Variants in TARS1 observed in about 807,000 individuals in gnomAD.
TARS1 encodes the protein threonine--tRNA ligase 1, cytoplasmic.
In TARS1, 57 loss-of-function variants were observed where a neutral mutation model predicts 97.7. The ratio of observed to expected loss-of-function variants is 0.58; its 90% CI spans 0.47 to 0.73. The LOEUF is 0.73. TARS1 is among the 30% of genes least tolerant of loss of function. The pLI is 0.00. For missense variants in TARS1, 806 were observed against 888.3 expected, an observed-to-expected ratio of 0.91 and a Z score of 1.18; for synonymous variants, 312 against 293.7, an observed-to-expected ratio of 1.06 and a Z score of -0.64.
At chr5:33,449,445 C>CTTTTTTTTTTTTTTTT (rs57691465) in intron 3 of TARS1, among the ~76,000 whole-genome samples, 14 of 69,160 alleles carry the variant, frequency 2.0e-4, no homozygotes, top group African/African-American at 2.9e-4. Context: ...TTTTTTCTTT[C>CTTTTTTTTTTTTTTTT]TTTTTTTTTT....
At position 33,453,261 on chromosome 5, in the gene TARS1, G is replaced by A. The variant is rs769878313; in HGVS notation, c.330-28G>A. 2.2e-6 allele frequency: 3 copies of A among 1,363,270 alleles called. No individual in the cohort carries two copies. In the South Asian group the frequency reaches 4.1e-5, roughly 18 times the overall value. The allele number at this position is 1,363,270 out of a possible 1,614,324, so 84.4% of individuals were successfully genotyped here. On this transcript the variant is annotated intron_variant, in intron 3 of 18. Transcript: ENST00000265112. Reference sequence around the variant, plus strand: ...ATTCGTGTGTACTTATATATGTGTGGACTTTTTTTTTTTTTTTTTTTTTTA... The same window carrying A: ...ATTCGTGTGTACTTATATATGTGTGAACTTTTTTTTTTTTTTTTTTTTTTA...
At chr5:33,455,518 A>G (rs1249739254) in intron 5 of TARS1, 69 bp from the exon 6 acceptor site, 1 of 1,020,530 alleles carries the variant, frequency 9.8e-7, no homozygotes, top group Non-Finnish European at 1.4e-6. Context: ...ACTATTTCCA[A>G]ATGAACATTT....
intron 1 of TARS1, among the ~76,000 whole-genome samples, chr5:33,443,985 C>A (rs1001563034): frequency 6.6e-6 from 1 of 151,726 alleles, no homozygotes; most frequent in Non-Finnish European, 1.5e-5. Flanking sequence ...ATACAAGTAA[C>A]GCATTTTATA....
At chr5:33,463,042 C>T (rs1218442883) in intron 16 of TARS1, among the ~76,000 whole-genome samples, 1 of 152,180 alleles carries the variant, frequency 6.6e-6, no homozygotes, top group African/African-American at 2.4e-5. Flanking sequence ...AGGGAGTCCT[C>T]AGCTAATTGC....
At position 33,467,654 on chromosome 5, in the gene TARS1, G is replaced by C; in HGVS notation, c.2118G>C (p.Glu706Asp). 1 of 1,613,948 alleles carries C rather than the reference G, an allele frequency of 6.2e-7. No individual in the cohort carries two copies. The highest frequency in any genetic ancestry group is 8.5e-7 in the Non-Finnish European group (1 of 1,179,934). ...AACGCACCATTTCTGAAACTATCGA[G>C]CGGCTACAGCAGCTCAAAGAGTTCC... ...HGERTISETI[E>D]RLQQLKEFRS... Residue 706 changes from glutamate to aspartate, a missense_variant, in exon 19 of 19, where the codon GAG becomes GAC. Glu to Asp is a conservative substitution (Grantham distance 45, BLOSUM62 2). This residue lies in a region of TARS1 where 446 missense variants were observed against 511.0 expected (regional missense o/e 0.87). Coordinates refer to ENST00000265112, the MANE Select transcript of TARS1 (RefSeq NM_152295.5).
chr5:33,443,320 CCTCTCTCTCTCTCTCTCTCT>C (rs769681224), intron 1 of TARS1, among the ~76,000 whole-genome samples: 9 of 118,516 alleles, frequency 7.6e-5, no homozygotes, highest in East Asian at 5.6e-4. Flanking sequence ...TCTCTCTCTC[CCTCTCTCTCTCTCTCTCTCT>C]CTCTCTCTCT....
At chr5:33,466,789 C>A in intron 17 of TARS1, 82 bp from the exon 18 acceptor site, 4 of 932,304 alleles carry the variant, frequency 4.3e-6, no homozygotes, top group Admixed American at 2.5e-5. Flanking sequence ...AAGTCCTGAT[C>A]CCTGTGTTCA....
chr5:33,458,506 A>T, intron 9 of TARS1, 60 bp from the exon 10 acceptor site: 1 of 1,425,420 alleles, frequency 7.0e-7, no homozygotes. Context: ...AAATTTATGT[A>T]TATATACACA....
At chr5:33,443,320 C>CCTCTCTCTCTCTCTCT (rs769681224) in intron 1 of TARS1, among the ~76,000 whole-genome samples, 89 of 118,492 alleles carry the variant, frequency 7.5e-4, no homozygotes, top group African/African-American at 1.1e-3. Context: ...TCTCTCTCTC[C>CCTCTCTCTCTCTCTCT]CTCTCTCTCT....
chr5:33,450,154 T>C (rs143546251), intron 3 of TARS1, among the ~76,000 whole-genome samples: 1 of 152,344 alleles, frequency 6.6e-6, no homozygotes, highest in East Asian at 1.9e-4. Flanking sequence ...ACATTCAACT[T>C]GGTTTTCATA....
rs555572874 is a variant in TARS1 at position 33,458,515 on chromosome 5, C to T, written c.985-51C>T. Reference sequence around the variant, plus strand: ...ACACTGAAATTTATGTATATATACACACACGTATACGTGACGTACATAAAC... The same window carrying T: ...ACACTGAAATTTATGTATATATACATACACGTATACGTGACGTACATAAAC... On this transcript the variant is annotated intron_variant, in intron 9 of 18. Transcript: ENST00000265112. 8.8e-6 allele frequency: 13 copies of T among 1,481,950 alleles called. 1 individual carries two copies. In the South Asian group the frequency reaches 1.3e-4, roughly 15 times the overall value. 91.8% of individuals were successfully genotyped at this position (1,481,950 alleles called of 1,614,324 possible). A position where few individuals can be genotyped will look rare whatever the true frequency, so the allele number is the denominator to read the frequency against.
intron 10 of TARS1, 53 bp from the exon 11 acceptor site, chr5:33,459,642 T>C: frequency 1.2e-6 from 2 of 1,600,458 alleles, no homozygotes; most frequent in Non-Finnish European, 1.7e-6. Flanking sequence ...TTACTCCCAC[T>C]TGAAGTATGA....
At chr5:33,450,432 G>A (rs1741674765) in intron 3 of TARS1, among the ~76,000 whole-genome samples, 1 of 152,186 alleles carries the variant, frequency 6.6e-6, no homozygotes, top group Admixed American at 6.5e-5. Context: ...AGCATCTACT[G>A]TACCACAGAC....
chr5:33,461,773 T>C lies in TARS1; in HGVS notation c.1629+29T>C, dbSNP rs554083531. 15 of 1,606,266 alleles carry C rather than the reference T, an allele frequency of 9.3e-6. No individual in the cohort carries two copies. In the Admixed American group the frequency reaches 2.2e-4, roughly 23 times the overall value. The stretch of plus-strand genomic sequence containing the variant: ...AGCACTAAAGTACATTTGGGTAATA[T>C]GATTTTCACTTGTGGATGAAGAAGA... On this transcript the variant is annotated intron_variant, in intron 14 of 18. Transcript: ENST00000265112.
chr5:33,447,661 A>C, intron 2 of TARS1, among the ~76,000 whole-genome samples: 1 of 152,242 alleles, frequency 6.6e-6, no homozygotes, highest in East Asian at 1.9e-4. Flanking sequence ...ACATTGAATA[A>C]ATGTTAAAAT....
chr5:33,456,155 C>T lies in TARS1; in HGVS notation c.765C>T (p.Gly255=). ...NTPTTTVYRC[G]PLIDLCRGPH... is the part of the protein sequence containing the mutation. ...CCTTTCATTTTATCTTTAGATGTGG[C>T]CCTTTGATAGATCTCTGCCGGGGTC... Residue 255 remains glycine (G), a synonymous_variant, in exon 8 of 19, where the codon GGC becomes GGT. Transcript: ENST00000265112. 1 of 1,613,848 alleles carries T rather than the reference C, an allele frequency of 6.2e-7. No homozygotes were observed. Among genetic ancestry groups the T allele is most frequent in the Non-Finnish European group, 8.5e-7 (1 of 1,179,930 alleles).
chr5:33,457,129 A>G, intron 8 of TARS1, 128 bp from the exon 9 acceptor site: 2 of 1,098,236 alleles, frequency 1.8e-6, no homozygotes, highest in Non-Finnish European at 2.6e-6. Context: ...TTTTGAGGAT[A>G]GAAAACAGCC....
chr5:33,457,019 G>A (rs1037321699), intron 8 of TARS1, among the ~76,000 whole-genome samples: 1 of 152,004 alleles, frequency 6.6e-6, no homozygotes, highest in Non-Finnish European at 1.5e-5. Context: ...GGCTGGTCTC[G>A]AACTCCCAGG....
intron 4 of TARS1, among the ~76,000 whole-genome samples, chr5:33,453,710 T>C (rs56718466): frequency 0.035 from 5,342 of 151,972 alleles, 348 homozygotes; most frequent in African/African-American, 0.12. Context: ...CTGTGAACAC[T>C]ATTTTATTTT....
Sources: allele counts gnomAD v4.1 joint callset (sites outside exome capture counted in the v4.1 genomes callset), GRCh38; gene constraint gnomAD v4.1.1; regional missense constraint gnomAD v4.1.1; transcripts MANE v1.5; gene names NCBI Gene and HGNC (gene_info 2026-07-23, HGNC 2026-07-21).